The following ZNF641 variants were observed in gnomAD, a reference collection of about 807,000 sequenced individuals.
ZNF641 encodes zinc finger protein 641.
Under a neutral mutation model 46.2 loss-of-function variants are expected in ZNF641, and 26 were observed. The ratio of observed to expected loss-of-function variants is 0.56; its 90% CI spans 0.41 to 0.78. The LOEUF (loss-of-function observed/expected upper bound fraction) is 0.78, where lower values mean the gene tolerates loss of function less well. Ranked by LOEUF, ZNF641 falls within the 30% of genes least tolerant of loss-of-function variation. The pLI is 0.00. For missense variants in ZNF641, 469 were observed against 517.8 expected, an observed-to-expected ratio of 0.91 and a Z score of 0.91; for synonymous variants, 163 against 187.9, an observed-to-expected ratio of 0.87 and a Z score of 1.09.
chr12:48,337,721 C>G lies in ZNF641; in HGVS notation c.*5252G>C, dbSNP rs1353844655. 6.8e-6 allele frequency: 1 copy of G among 148,048 alleles called. No individual in the cohort carries two copies. The highest frequency in any genetic ancestry group is 2.5e-5 in the African/African-American group (1 of 40,142). The allele number at this position is 148,048 out of a possible 1,614,324, so 9.2% of individuals were successfully genotyped here. On this transcript the variant is annotated 3_prime_UTR_variant, in exon 6 of 6. Transcript: ENST00000547026. ...GTGGGCGCTTGTAGTCCCAGCTACTCGGGAGGCTGAGGCAAGAAAATGGCG... is the reference window on the plus strand; with the variant it reads ...GTGGGCGCTTGTAGTCCCAGCTACTGGGGAGGCTGAGGCAAGAAAATGGCG...
Position 48,343,405 on chromosome 12 carries a change from G to C in ZNF641, c.843C>G (p.Leu281=). The C allele has an allele frequency of 6.2e-7, 1 of 1,614,062 alleles. No homozygotes were observed. The highest frequency in any genetic ancestry group is 2.2e-5 in the East Asian group (1 of 44,868). Residue 281 remains leucine (L), a synonymous_variant, in exon 6 of 6, where the codon CTC becomes CTG. Transcript: ENST00000547026. ...THTGERPYSC[L]KCEKTFGRRH... ...TTCGCCCAAAGGTCTTCTCACACTT[G>C]AGGCAGCTGTAGGGTCTCTCCCCAG...
rs1952691303 is a variant in ZNF641 at position 48,340,397 on chromosome 12, A to G, written c.*2576T>C. 2 of 985,452 alleles carry G rather than the reference A, an allele frequency of 2.0e-6. No homozygotes were observed. The highest frequency in any genetic ancestry group is 1.7e-5 in the African/African-American group (1 of 57,362). 61.0% of individuals were successfully genotyped at this position (985,452 alleles called of 1,614,324 possible). A position where few individuals can be genotyped will look rare whatever the true frequency, so the allele number is the denominator to read the frequency against. On this transcript the variant is annotated 3_prime_UTR_variant, in exon 6 of 6. Coordinates refer to ENST00000547026, the MANE Select transcript of ZNF641 (RefSeq NM_001172681.2). ...CTAATAGTAAGGAATATCACTTCCCACAAGTCCTTCAAACAAGATTTGTGA... is the reference window on the plus strand; with the variant it reads ...CTAATAGTAAGGAATATCACTTCCCGCAAGTCCTTCAAACAAGATTTGTGA...
In ZNF641 at chr12:48,340,624, CT is replaced by C; in HGVS notation, c.*2348del. ...TGACCATTTTAGATCGGGGAACTCC[CT>C]TTCTTTGAAGGCAGTTTAGGGATTC... is the stretch of plus-strand genomic sequence containing the variant. On this transcript the variant is annotated 3_prime_UTR_variant, in exon 6 of 6. Transcript: ENST00000547026. 1 of 985,450 alleles carries C rather than the reference CT, an allele frequency of 1.0e-6. No individual in the cohort carries two copies. Among genetic ancestry groups the C allele is most frequent in the African/African-American group, 1.7e-5 (1 of 57,366 alleles). The allele number at this position is 985,450 out of a possible 1,614,324, so 61.0% of individuals were successfully genotyped here. A position where few individuals can be genotyped will look rare whatever the true frequency, so the allele number is the denominator to read the frequency against.
downstream of ZNF641, among the ~76,000 whole-genome samples, chr12:48,335,637 G>A (rs892691871): frequency 7.9e-5 from 12 of 152,126 alleles, no homozygotes; most frequent in African/African-American, 1.2e-4. Context: ...GCTGTACTCC[G>A]ATGAAATATA....
In ZNF641 at chr12:48,342,209, T is replaced by G; in HGVS notation, c.*764A>C. 1.0e-6 allele frequency: 1 copy of G among 985,444 alleles called. No homozygotes were observed. Among genetic ancestry groups the G allele is most frequent in the Non-Finnish European group, 1.2e-6 (1 of 829,972 alleles). 61.0% of individuals were successfully genotyped at this position (985,444 alleles called of 1,614,324 possible). A position where few individuals can be genotyped will look rare whatever the true frequency, so the allele number is the denominator to read the frequency against. On this transcript the variant is annotated 3_prime_UTR_variant, in exon 6 of 6. Coordinates refer to ENST00000547026, the MANE Select transcript of ZNF641 (RefSeq NM_001172681.2). ...TAGTGTGATCTCTCAGCTGGATATA[T>G]GTATGTGCAGGATGAAGGGAGTAGG...
At chr12:48,347,138 G>T (rs1952894542) in intron 3 of ZNF641, 114 bp downstream of exon 3, 1 of 1,566,914 alleles carries the variant, frequency 6.4e-7, no homozygotes, top group Non-Finnish European at 8.7e-7. Flanking sequence ...TCAGTTATAA[G>T]ATGAACATAC....
chr12:48,343,294 G>T lies in ZNF641; in HGVS notation c.954C>A (p.Asn318Lys). The T allele has an allele frequency of 6.2e-7, 1 of 1,614,236 alleles. No homozygotes were observed. Among genetic ancestry groups the T allele is most frequent in the Non-Finnish European group, 8.5e-7 (1 of 1,180,046 alleles). Residue 318 changes from asparagine to lysine, a missense_variant, in exon 6 of 6, where the codon AAC (asparagine) becomes AAA (lysine). Transcript: ENST00000547026. ...CTCTCTGGTGGCTGGCCAGATGGGA[G>T]TTGCATCGGAAATTCTTACCACACT... is the stretch of plus-strand genomic sequence containing the variant. ...CSECGKNFRC[N>K]SHLASHQRVH...
chr12:48,345,605 G>T, intron 3 of ZNF641, 131 bp from the exon 4 acceptor site: 1 of 1,101,528 alleles, frequency 9.1e-7, no homozygotes, highest in Non-Finnish European at 1.3e-6. Flanking sequence ...AGAAGTCCCT[G>T]GGTAGGGCAC....
In ZNF641 at chr12:48,341,646, G is replaced by A. The variant is rs1005524923; in HGVS notation, c.*1327C>T. 8 of 985,312 alleles carry A rather than the reference G, an allele frequency of 8.1e-6. No individual in the cohort carries two copies. In the Admixed American group the frequency reaches 1.8e-4, roughly 23 times the overall value. The allele number at this position is 985,312 out of a possible 1,614,324, so 61.0% of individuals were successfully genotyped here. On this transcript the variant is annotated 3_prime_UTR_variant, in exon 6 of 6. Coordinates refer to ENST00000547026, the MANE Select transcript of ZNF641 (RefSeq NM_001172681.2). ...TTCAAACCAGTGATGGCAACAACTT[G>A]CAAACACGTAATTCCTGCCCTAATT...
Position 48,344,880 on chromosome 12 carries a change from A to G in ZNF641, c.407-168T>C, listed in dbSNP as rs935902164. 4 of 571,218 alleles carry G rather than the reference A, an allele frequency of 7.0e-6. No individual in the cohort carries two copies. In the African/African-American group the frequency reaches 7.5e-5, roughly 11 times the overall value. The allele number at this position is 571,218 out of a possible 1,614,324, so 35.4% of individuals were successfully genotyped here. A position where few individuals can be genotyped will look rare whatever the true frequency, so the allele number is the denominator to read the frequency against. ...ACCTCTTCCCCCACCCATTTCTGTT[A>G]AGTCCCTCTTCTCTGCCTAGAAAAT... On this transcript the variant is annotated intron_variant, in intron 4 of 5. Transcript: ENST00000547026.
At position 48,343,661 on chromosome 12, in the gene ZNF641, C is replaced by A; in HGVS notation, c.587G>T (p.Ser196Ile). 6.4e-7 allele frequency: 1 copy of A among 1,562,030 alleles called. No individual in the cohort carries two copies. The highest frequency in any genetic ancestry group is 8.7e-7 in the Non-Finnish European group (1 of 1,155,526). The change falls in exon 6 of 6, where the codon AGC (serine) becomes ATC (isoleucine). Residue 196 changes from serine (S) to isoleucine (I), a missense_variant. Around this residue, in one of 3 missense-constraint regions of ZNF641, gnomAD observed 346 missense variants for 354.0 expected, o/e 0.98. Transcript: ENST00000547026. ...CCAGAGAACAGTATCTTCAGACACG[C>A]TGGATAACATTCTGGGAGGTTCTGC... is the stretch of plus-strand genomic sequence containing the variant. ...LEAEPPRMLS[S>I]VSEDTVLWNP...
chr12:48,344,783 AC>A, intron 4 of ZNF641, 71 bp from the exon 5 acceptor site: 1 of 924,302 alleles, frequency 1.1e-6, no homozygotes, highest in Non-Finnish European at 1.7e-6. Context: ...AAAAAAAAAT[AC>A]AAAAAACTGT....
chr12:48,348,929 C>T (rs1592149359), intron 1 of ZNF641, among the ~76,000 whole-genome samples: 1 of 152,288 alleles, frequency 6.6e-6, no homozygotes, highest in East Asian at 1.9e-4. Context: ...TGTCAGGCAC[C>T]AGTCAGATCT....
intron 1 of ZNF641, among the ~76,000 whole-genome samples, chr12:48,349,440 A>G (rs896539687): frequency 6.6e-6 from 1 of 152,236 alleles, no homozygotes; most frequent in African/African-American, 2.4e-5. Flanking sequence ...CTTGGTAACT[A>G]TCCTGGCTTA....
Position 48,342,091 on chromosome 12 carries a change from GGGACTGT to G in ZNF641, c.*875_*881del. ...CATAAAGACAGTCAAGAGGAGAGAGGGGACTGTTCAAGGGGATAAAGTTTTTTTTGTT... is the reference window on the plus strand; with the variant it reads ...CATAAAGACAGTCAAGAGGAGAGAGGTCAAGGGGATAAAGTTTTTTTTGTT... On this transcript the variant is annotated 3_prime_UTR_variant, in exon 6 of 6. Coordinates refer to ENST00000547026, the MANE Select transcript of ZNF641 (RefSeq NM_001172681.2). 1 of 985,460 alleles carries G rather than the reference GGGACTGT, an allele frequency of 1.0e-6. No homozygotes were observed. Among genetic ancestry groups the G allele is most frequent in the Non-Finnish European group, 1.2e-6 (1 of 829,992 alleles). 61.0% of individuals were successfully genotyped at this position (985,460 alleles called of 1,614,324 possible).
downstream of ZNF641, among the ~76,000 whole-genome samples, chr12:48,334,800 GTAGA>G (rs1952592588): frequency 6.6e-6 from 1 of 152,206 alleles, no homozygotes; most frequent in African/African-American, 2.4e-5. Flanking sequence ...GGCTGGCTAG[GTAGA>G]TAGAGAAGGA....
At position 48,337,747 on chromosome 12, in the gene ZNF641, T is replaced by G. The variant is rs931920806; in HGVS notation, c.*5226A>C. On this transcript the variant is annotated 3_prime_UTR_variant, in exon 6 of 6. Transcript: ENST00000547026. ...GGGAGGCTGAGGCAAGAAAATGGCG[T>G]AAACCTGGGAGGCGGAGCTTGCAGT... The G allele has an allele frequency of 1.3e-5, 2 of 148,672 alleles. No homozygotes were observed. The highest frequency in any genetic ancestry group is 5.0e-5 in the African/African-American group (2 of 40,056). The allele number at this position is 148,672 out of a possible 1,614,324, so 9.2% of individuals were successfully genotyped here. A position where few individuals can be genotyped will look rare whatever the true frequency, so the allele number is the denominator to read the frequency against.
chr12:48,345,125 T>C (rs1431948482), intron 4 of ZNF641, among the ~76,000 whole-genome samples: 1 of 151,856 alleles, frequency 6.6e-6, no homozygotes, highest in Non-Finnish European at 1.5e-5. Flanking sequence ...CAAGTTCTAC[T>C]CCACAATTAA....
Position 48,341,197 on chromosome 12 carries a change from C to A in ZNF641, c.*1776G>T. On this transcript the variant is annotated 3_prime_UTR_variant, in exon 6 of 6. Coordinates refer to ENST00000547026, the MANE Select transcript of ZNF641 (RefSeq NM_001172681.2). ...GCACAGTCGCTAAACTAAATTGGTG[C>A]AATTCACTTCCTCTTGCCTCTCTGG... is the stretch of plus-strand genomic sequence containing the variant. 1 of 985,444 alleles carries A rather than the reference C, an allele frequency of 1.0e-6. No individual in the cohort carries two copies. The highest frequency in any genetic ancestry group is 5.2e-4 in the Middle Eastern group (1 of 1,914). The allele number at this position is 985,444 out of a possible 1,614,324, so 61.0% of individuals were successfully genotyped here.
Sources: allele counts gnomAD v4.1 joint callset (sites outside exome capture counted in the v4.1 genomes callset), GRCh38; gene constraint gnomAD v4.1.1; regional missense constraint gnomAD v4.1.1; transcripts MANE v1.5; gene names NCBI Gene and HGNC (gene_info 2026-07-23, HGNC 2026-07-21).